The following CTTN variants were observed in gnomAD, a reference collection of about 807,000 sequenced individuals.
CTTN encodes the protein src substrate cortactin.
Under a neutral mutation model 84.0 loss-of-function variants are expected in CTTN, and 28 were observed. The observed-to-expected ratio is 0.33, with a 90% CI of 0.25 to 0.46. The LOEUF (loss-of-function observed/expected upper bound fraction) is 0.46. Among genes scored for constraint, CTTN ranks in the 20% least tolerant of loss-of-function variants. CTTN has a pLI of 1.00. For synonymous variants in CTTN, 301 were observed against 288.8 expected (o/e 1.04, Z -0.43); for missense variants, 641 against 723.8 (o/e 0.89, Z 1.31).
At chr11:70,431,129 G>A (rs745687479) in intron 14 of CTTN, 62 bp from the exon 15 acceptor site, 14 of 1,514,600 alleles carry the variant, frequency 9.2e-6, no homozygotes, top group Non-Finnish European at 1.3e-5. Flanking sequence ...CTGAAACACG[G>A]CAGGCGTGAC....
At chr11:70,398,871 G>C (rs1448065953) in intron 1 of CTTN, among the ~76,000 whole-genome samples, 1 of 151,888 alleles carries the variant, frequency 6.6e-6, no homozygotes, top group Non-Finnish European at 1.5e-5. Flanking sequence ...AAGGGGGCAC[G>C]GAGGGCTTGG....
intron 2 of CTTN, among the ~76,000 whole-genome samples, chr11:70,406,034 C>T (rs545301738): frequency 2.2e-4 from 33 of 152,354 alleles, no homozygotes; most frequent in Non-Finnish European, 4.7e-4. Flanking sequence ...CTGGTTGTGC[C>T]TTTCCGTTCT....
chr11:70,431,231 C>T lies in CTTN; in HGVS notation c.1217C>T (p.Pro406Leu). The T allele has an allele frequency of 6.2e-7, 1 of 1,614,164 alleles. No individual in the cohort carries two copies. The highest frequency in any genetic ancestry group is 8.5e-7 in the Non-Finnish European group (1 of 1,180,016). The change falls in exon 15 of 18, where the codon CCC becomes CTC. Residue 406 changes from proline (P) to leucine (L), a missense_variant. Pro to Leu is a moderately conservative substitution (Grantham distance 98). Transcript: ENST00000301843. ...RAKTQTPPVS[P>L]APQPTEERLP... The stretch of plus-strand genomic sequence containing the variant: ...AAAACGCAAACGCCCCCTGTGTCGC[C>T]CGCACCTCAGCCAACCGAGGAGAGG...
intron 12 of CTTN, among the ~76,000 whole-genome samples, chr11:70,424,342 C>T (rs977441159): frequency 7.2e-5 from 11 of 152,048 alleles, no homozygotes; most frequent in Non-Finnish European, 1.3e-4. Context: ...TGGCGGTGAC[C>T]GCTGAGCTTG....
intron 11 of CTTN, 191 bp from the exon 12 acceptor site, chr11:70,422,749 A>T (rs1009997206): frequency 2.7e-6 from 4 of 1,456,642 alleles, no homozygotes; most frequent in African/African-American, 1.4e-5. Flanking sequence ...TCTGCTTCTC[A>T]CTGCCTGTGT....
intron 4 of CTTN, chr11:70,408,147 A>C (rs1007761567): frequency 6.6e-6 from 1 of 152,074 alleles, no homozygotes; most frequent in Non-Finnish European, 1.5e-5. Context: ...TTTTCGTCAG[A>C]AAGTGTAGAT....
chr11:70,429,826 A>AG (rs1555143253), intron 14 of CTTN, among the ~76,000 whole-genome samples: 1 of 152,066 alleles, frequency 6.6e-6, no homozygotes, highest in Non-Finnish European at 1.5e-5. Flanking sequence ...CAGCTGGATC[A>AG]GGGGGGTTGT....
chr11:70,419,679 T>G, intron 8 of CTTN, 67 bp from the exon 9 acceptor site: 1 of 1,362,082 alleles, frequency 7.3e-7, no homozygotes, highest in South Asian at 1.3e-5. Flanking sequence ...AATCAAAGGA[T>G]AAAATACTTG....
intron 15 of CTTN, among the ~76,000 whole-genome samples, chr11:70,432,810 G>A (rs2058368855): frequency 3.3e-5 from 5 of 152,222 alleles, no homozygotes; most frequent in Admixed American, 2.0e-4. Context: ...CCAGGCAACA[G>A]TGTGGGCAGG....
chr11:70,419,634 G>A, intron 8 of CTTN, 112 bp from the exon 9 acceptor site: 2 of 758,160 alleles, frequency 2.6e-6, no homozygotes, highest in Non-Finnish European at 4.4e-6. Context: ...TTATTCAGTG[G>A]TCCTACAGTG....
intron 9 of CTTN, chr11:70,420,076 T>G (rs2058212979): frequency 1.7e-6 from 1 of 601,326 alleles, no homozygotes. Context: ...CGGCGTTGCT[T>G]ATCGTGGTGG....
chr11:70,417,142 T>C lies in CTTN; in HGVS notation c.568+19T>C. On this transcript the variant is annotated intron_variant, in intron 8 of 17. Transcript: ENST00000301843. ...CAGAGAGGTGGGGCGGACCCCACGG[T>C]CTGTAATCACGCGTTTGCTCCAGAA... is the stretch of plus-strand genomic sequence containing the variant. 1.3e-6 allele frequency: 2 copies of C among 1,584,386 alleles called. No individual in the cohort carries two copies. Among genetic ancestry groups the C allele is most frequent in the Non-Finnish European group, 1.7e-6 (2 of 1,152,964 alleles).
chr11:70,422,706 G>A, intron 11 of CTTN: 1 of 1,443,344 alleles, frequency 6.9e-7, no homozygotes, highest in East Asian at 2.9e-5. Flanking sequence ...CTGCCCCTCA[G>A]GGAATGCTGA....
intron 12 of CTTN, among the ~76,000 whole-genome samples, chr11:70,423,685 C>T (rs1007436768): frequency 6.6e-6 from 1 of 152,154 alleles, no homozygotes; most frequent in East Asian, 1.9e-4. Flanking sequence ...ACAGGAGTCA[C>T]TGCAGGTTCT....
chr11:70,417,737 C>T lies in CTTN; in HGVS notation c.568+614C>T, dbSNP rs528550132. Among the ~76,000 whole-genome samples, 21 of 152,218 alleles carry T rather than the reference C, an allele frequency of 1.4e-4. No homozygotes were observed. In the South Asian group the frequency reaches 1.9e-3, roughly 14 times the overall value. ...TCTTGAATTCCTGACCTCAGGTGAT[C>T]GCCCTGCCTTGGCCTCCCAAAGTGC... On this transcript the variant is annotated intron_variant, in intron 8 of 17. Coordinates refer to ENST00000301843, the MANE Select transcript of CTTN (RefSeq NM_005231.4).
At position 70,420,448 on chromosome 11, in the gene CTTN, A is replaced by G. The variant is rs767870231; in HGVS notation, c.728A>G (p.Gln243Arg). 2 of 1,614,120 alleles carry G rather than the reference A, an allele frequency of 1.2e-6. No individual in the cohort carries two copies. Among genetic ancestry groups the G allele is most frequent in the African/African-American group, 2.7e-5 (2 of 74,938 alleles). Residue 243 changes from glutamine (Q) to arginine (R), a missense_variant, in exon 10 of 18, where the codon CAA (glutamine) becomes CGA (arginine). This residue lies in a region of CTTN where 284 missense variants were observed against 348.4 expected (regional missense o/e 0.82). Coordinates refer to ENST00000301843, the MANE Select transcript of CTTN (RefSeq NM_005231.4). ...GGKFGVQTDR[Q>R]DKCALGWDHQ... ...AAATTTGGTGTGCAGACAGACAGACAAGACAAATGTGCCCTTGGCTGGGAT... is the reference window on the plus strand; with the variant it reads ...AAATTTGGTGTGCAGACAGACAGACGAGACAAATGTGCCCTTGGCTGGGAT...
Position 70,436,164 on chromosome 11 carries a change from A to G in CTTN, c.*1002A>G. ...CCAAAATATCATGTTCAATTTCAGT[A>G]GTTTGATCAGTTGAAGGCTAGAAGT... On this transcript the variant is annotated 3_prime_UTR_variant, in exon 18 of 18. Coordinates refer to ENST00000301843, the MANE Select transcript of CTTN (RefSeq NM_005231.4). The G allele has an allele frequency of 3.4e-6, 5 of 1,474,966 alleles. No homozygotes were observed. Among genetic ancestry groups the G allele is most frequent in the Non-Finnish European group, 4.5e-6 (5 of 1,121,644 alleles). 91.4% of individuals were successfully genotyped at this position (1,474,966 alleles called of 1,614,324 possible).
intron 17 of CTTN, among the ~76,000 whole-genome samples, chr11:70,434,591 G>A (rs749402778): frequency 5.3e-5 from 8 of 152,274 alleles, no homozygotes; most frequent in Non-Finnish European, 7.3e-5. Context: ...TCTCATCACC[G>A]TGGCTTTTGC....
chr11:70,433,396 C>A, intron 16 of CTTN, 118 bp downstream of exon 16: 2 of 1,100,152 alleles, frequency 1.8e-6, no homozygotes, highest in Non-Finnish European at 2.6e-6. Flanking sequence ...CCTTTGCTTG[C>A]TTGCTATAGG....
Sources: gnomAD v4.1 joint callset for allele counts (sites outside exome capture counted in the v4.1 genomes callset) on GRCh38, gnomAD v4.1.1 for gene constraint, gnomAD v4.1.1 regional missense constraint, MANE v1.5 for transcripts, NCBI Gene and HGNC (gene_info 2026-07-23, HGNC 2026-07-21) for gene names.